The following SLC24A5 variants were observed in gnomAD, a reference collection of about 807,000 sequenced individuals.
SLC24A5 encodes sodium/potassium/calcium exchanger 5.
Under a neutral mutation model 51.6 loss-of-function variants are expected in SLC24A5, and 46 were observed. The ratio of observed to expected loss-of-function variants is 0.89; its 90% CI spans 0.70 to 1.14. SLC24A5 has a LOEUF of 1.14. Among genes scored for constraint, SLC24A5 ranks in the 50% most tolerant of loss-of-function variants. The pLI is 0.00. For missense variants in SLC24A5, 581 were observed against 604.1 expected (o/e 0.96, Z 0.40); for synonymous variants, 230 against 214.9 (o/e 1.07, Z -0.62).
chr15:48,139,442 G>C (rs923663457), intron 7 of SLC24A5: 1 of 261,600 alleles, frequency 3.8e-6, no homozygotes, highest in Non-Finnish European at 7.3e-6. Flanking sequence ...TTCATAGGAT[G>C]TCTTTTTATT....
intron 2 of SLC24A5, among the ~76,000 whole-genome samples, chr15:48,129,959 C>T (rs1485122258): frequency 1.3e-5 from 2 of 152,062 alleles, no homozygotes; most frequent in Non-Finnish European, 2.9e-5. Flanking sequence ...GTTTAATATT[C>T]TTCCGACTAT....
At chr15:48,129,483 T>C (rs1460738364) in intron 2 of SLC24A5, among the ~76,000 whole-genome samples, 1 of 152,112 alleles carries the variant, frequency 6.6e-6, no homozygotes, top group Non-Finnish European at 1.5e-5. Flanking sequence ...TGATAGACTT[T>C]TGATTGTTTC....
In SLC24A5 at chr15:48,121,112, C is replaced by G; in HGVS notation, c.68C>G (p.Ala23Gly). The part of the protein sequence containing the change: ...ALLLGILWAT[A>G]HLPLSGTSLP... ...TTGCTCGGCATCCTGTGGGCCACTG[C>G]ACATCTGCCTCTCTCAGGGACCTCC... Residue 23 changes from alanine to glycine, a missense_variant, in exon 1 of 9, where the codon GCA becomes GGA. Coordinates refer to ENST00000341459, the MANE Select transcript of SLC24A5 (RefSeq NM_205850.3). 6.2e-7 allele frequency: 1 copy of G among 1,613,882 alleles called. No individual in the cohort carries two copies. Among genetic ancestry groups the G allele is most frequent in the Non-Finnish European group, 8.5e-7 (1 of 1,179,896 alleles).
intron 7 of SLC24A5, 165 bp downstream of exon 7, chr15:48,139,340 G>A: frequency 1.8e-6 from 1 of 549,168 alleles, no homozygotes; most frequent in South Asian, 2.8e-5. Flanking sequence ...AAGATCACTG[G>A]AGTTTGTGAG....
Position 48,136,978 on chromosome 15 carries a change from T to C in SLC24A5, c.871+15T>C, listed in dbSNP as rs780829277. ...GGTTTCTGAAGGTAATCACTAAATCTTGCCCATTATTAAGTCTATTCGCAA... is the reference window on the plus strand; with the variant it reads ...GGTTTCTGAAGGTAATCACTAAATCCTGCCCATTATTAAGTCTATTCGCAA... On this transcript the variant is annotated intron_variant, in intron 6 of 8. Coordinates refer to ENST00000341459, the MANE Select transcript of SLC24A5 (RefSeq NM_205850.3). The C allele has an allele frequency of 6.3e-7, 1 of 1,597,870 alleles. No homozygotes were observed. Among genetic ancestry groups the C allele is most frequent in the South Asian group, 1.1e-5 (1 of 89,120 alleles).
chr15:48,136,995 T>C, intron 6 of SLC24A5, 32 bp downstream of exon 6: 3 of 1,562,520 alleles, frequency 1.9e-6, no homozygotes, highest in African/African-American at 1.4e-5. Context: ...TTATTAAGTC[T>C]ATTCGCAAAG....
At chr15:48,139,849 C>CTCTG (rs1193839152) in intron 7 of SLC24A5, 1 of 152,094 alleles carries the variant, frequency 6.6e-6, no homozygotes, top group Non-Finnish European at 1.5e-5. Context: ...GAACAAACTA[C>CTCTG]TGCCTGTGTG....
intron 6 of SLC24A5, 66 bp from the exon 7 acceptor site, chr15:48,138,903 A>G (rs771561432): frequency 4.5e-5 from 54 of 1,194,216 alleles, no homozygotes; most frequent in Non-Finnish European, 6.1e-5. Flanking sequence ...TAACTTTCTA[A>G]ATAGGCATTT....
At chr15:48,137,164 A>G in intron 6 of SLC24A5, 1 of 544,172 alleles carries the variant, frequency 1.8e-6, no homozygotes, top group Non-Finnish European at 3.1e-6. Context: ...AACGTTAAGT[A>G]CCATAAAAAG....
intron 2 of SLC24A5, among the ~76,000 whole-genome samples, chr15:48,133,003 A>G (rs2038809050): frequency 6.6e-6 from 1 of 152,034 alleles, no homozygotes; most frequent in South Asian, 2.1e-4. Context: ...AGGAATCAGT[A>G]AGCTCAAATG....
intron 2 of SLC24A5, among the ~76,000 whole-genome samples, chr15:48,125,274 AT>A (rs2038719549): frequency 6.7e-6 from 1 of 149,346 alleles, no homozygotes; most frequent in Non-Finnish European, 1.5e-5. Context: ...TATATGGTTT[AT>A]ATAATATATA....
chr15:48,141,035 A>G (rs2039062600), intron 7 of SLC24A5, 78 bp from the exon 8 acceptor site: 1 of 1,192,508 alleles, frequency 8.4e-7, no homozygotes, highest in Admixed American at 2.0e-5. Context: ...TTGTTCACGA[A>G]GGAAATATCC....
intron 2 of SLC24A5, chr15:48,122,748 A>G (rs958337877): frequency 6.6e-6 from 1 of 152,302 alleles, no homozygotes; most frequent in African/African-American, 2.4e-5. Context: ...ACTGGTCCCT[A>G]AACACCAGGA....
chr15:48,141,856 T>C, intron 8 of SLC24A5, 173 bp from the exon 9 acceptor site: 1 of 452,270 alleles, frequency 2.2e-6, no homozygotes, highest in East Asian at 3.3e-5. Flanking sequence ...AGACTTTAAA[T>C]ACTAACCCAA....
intron 2 of SLC24A5, among the ~76,000 whole-genome samples, chr15:48,126,961 C>T (rs1184337371): frequency 2.6e-5 from 4 of 152,082 alleles, no homozygotes; most frequent in Non-Finnish European, 4.4e-5. Context: ...CTGAGAATCC[C>T]CGGACAGCTG....
At chr15:48,136,580 G>A (rs2038905435) in intron 5 of SLC24A5, 103 bp from the exon 6 acceptor site, 1 of 1,066,622 alleles carries the variant, frequency 9.4e-7, no homozygotes, top group Non-Finnish European at 1.3e-6. Context: ...ATTGTTCTAT[G>A]GCTACTTTTG....
At chr15:48,124,077 T>C (rs149194026) in intron 2 of SLC24A5, 2 of 152,184 alleles carry the variant, frequency 1.3e-5, no homozygotes, top group East Asian at 3.9e-4. Flanking sequence ...TTTTTCATGG[T>C]TTGTTTGATT....
At position 48,134,261 on chromosome 15, in the gene SLC24A5, T is replaced by A. The variant is rs753557489; in HGVS notation, c.305T>A (p.Leu102His). ...LPSLEIISES[L>H]GLSQDVAGTT... ...CAATCATTTCATTTATGTTCAGCCC[T>A]TGGATTGTCTCAGGATGTTGCAGGC... Residue 102 changes from leucine (L) to histidine (H), a missense_variant, in exon 3 of 9, where the codon CTT becomes CAT. Coordinates refer to ENST00000341459, the MANE Select transcript of SLC24A5 (RefSeq NM_205850.3). 1.2e-6 allele frequency: 2 copies of A among 1,613,408 alleles called. No homozygotes were observed. Among genetic ancestry groups the A allele is most frequent in the Non-Finnish European group, 1.7e-6 (2 of 1,179,480 alleles).
intron 6 of SLC24A5, chr15:48,137,997 A>C (rs2038944471): frequency 6.6e-6 from 1 of 152,118 alleles, no homozygotes; most frequent in Admixed American, 6.6e-5. Flanking sequence ...TACTACTTAA[A>C]ATTTTAAAAC....
Sources: gnomAD v4.1 joint callset for allele counts (sites outside exome capture counted in the v4.1 genomes callset) on GRCh38, gnomAD v4.1.1 for gene constraint, MANE v1.5 for transcripts, NCBI Gene and HGNC (gene_info 2026-07-23, HGNC 2026-07-21) for gene names.